Variants in SMARCAL1 observed in about 807,000 individuals in gnomAD.
SMARCAL1 encodes the protein SNF2 related chromatin remodeling annealing helicase 1.
In SMARCAL1, 58 loss-of-function variants were observed where a neutral mutation model predicts 94.5. The ratio of observed to expected loss-of-function variants is 0.61; its 90% CI spans 0.50 to 0.76. The LOEUF is 0.76. Among genes scored for constraint, SMARCAL1 ranks in the 30% least tolerant of loss-of-function variants. The probability of loss-of-function intolerance (pLI) is 0.00; values close to 1 mark genes in which losing one functional copy is unlikely to be tolerated. For synonymous variants in SMARCAL1, 422 were observed against 455.1 expected, an observed-to-expected ratio of 0.93 and a Z score of 0.93; for missense variants, 1,051 against 1,177.9, an observed-to-expected ratio of 0.89 and a Z score of 1.58.
rs369436043 is a variant in SMARCAL1, at chr2:216,467,167, G to A, written c.2142-777G>A. The stretch of plus-strand genomic sequence containing the variant: ...GAGGGTAGCCACCTTAAGGCCAAGC[G>A]AAAGATAAGAGGTGGGAAGCTTGCC... On this transcript the variant is annotated intron_variant, in intron 13 of 17. Transcript: ENST00000357276. Among the ~76,000 whole-genome samples the A allele has an allele frequency of 5.9e-5, 9 of 152,170 alleles. No homozygotes were observed. In the South Asian group the frequency reaches 8.3e-4, roughly 14 times the overall value.
chr2:216,450,370 C>T (rs1694421803), intron 11 of SMARCAL1, among the ~76,000 whole-genome samples: 1 of 152,202 alleles, frequency 6.6e-6, no homozygotes, highest in South Asian at 2.1e-4. Context: ...CTGGTGTAAT[C>T]CATACTGCAG....
intron 11 of SMARCAL1, among the ~76,000 whole-genome samples, chr2:216,448,446 G>C (rs113360608): frequency 6.6e-6 from 1 of 152,094 alleles, no homozygotes; most frequent in African/African-American, 2.4e-5. Flanking sequence ...TCCCCAAACT[G>C]TCCCTTCCTA....
chr2:216,476,976 T>G lies in SMARCAL1; in HGVS notation c.2428-133T>G. 4 of 736,820 alleles carry G rather than the reference T, an allele frequency of 5.4e-6. No homozygotes were observed. In the South Asian group the frequency reaches 6.0e-5, roughly 11 times the overall value. 45.6% of individuals were successfully genotyped at this position (736,820 alleles called of 1,614,324 possible). On this transcript the variant is annotated intron_variant, in intron 15 of 17. Transcript: ENST00000357276. ...GTAAAGTGCAGGTTATTTCTAGGTC[T>G]GAGACAGTGAAGTGCTTTGAGGAGG...
At chr2:216,471,510 T>A (rs1694965962) in intron 14 of SMARCAL1, among the ~76,000 whole-genome samples, 1 of 152,172 alleles carries the variant, frequency 6.6e-6, no homozygotes, top group African/African-American at 2.4e-5. Flanking sequence ...CCTGCTACCA[T>A]GCCCAGCTAA....
intron 13 of SMARCAL1, among the ~76,000 whole-genome samples, chr2:216,466,103 T>C (rs1299371173): frequency 6.6e-6 from 1 of 152,184 alleles, no homozygotes; most frequent in African/African-American, 2.4e-5. Flanking sequence ...GAATAACAGA[T>C]GGCAAGGGTG....
At chr2:216,469,249 A>T (rs1446521304) in intron 14 of SMARCAL1, among the ~76,000 whole-genome samples, 4 of 140,294 alleles carry the variant, frequency 2.9e-5, no homozygotes, top group Non-Finnish European at 4.7e-5. Flanking sequence ...CCTGCAACTT[A>T]CTTTTTTCTC....
intron 10 of SMARCAL1, among the ~76,000 whole-genome samples, chr2:216,445,412 G>T (rs1694288396): frequency 6.6e-6 from 1 of 152,102 alleles, no homozygotes; most frequent in Non-Finnish European, 1.5e-5. Flanking sequence ...TCACTCTCTA[G>T]TCTAGGGAGT....
chr2:216,481,176 G>A (rs944121131), intron 17 of SMARCAL1, among the ~76,000 whole-genome samples: 1 of 151,424 alleles, frequency 6.6e-6, no homozygotes, highest in African/African-American at 2.4e-5. Flanking sequence ...GAGATCATTT[G>A]ATTTTTTATA....
At chr2:216,450,361 T>C (rs964695985) in intron 11 of SMARCAL1, among the ~76,000 whole-genome samples, 1 of 152,246 alleles carries the variant, frequency 6.6e-6, no homozygotes, top group Non-Finnish European at 1.5e-5. Flanking sequence ...TTGTTTGTGC[T>C]GGTGTAATCC....
intron 10 of SMARCAL1, among the ~76,000 whole-genome samples, chr2:216,445,455 C>T (rs1213373918): frequency 1.3e-5 from 2 of 152,150 alleles, no homozygotes; most frequent in East Asian, 3.9e-4. Context: ...CTAACTACAT[C>T]CTATAAGTAT....
At chr2:216,442,372 G>A (rs1292652423) in intron 10 of SMARCAL1, among the ~76,000 whole-genome samples, 1 of 143,574 alleles carries the variant, frequency 7.0e-6, no homozygotes, top group Non-Finnish European at 1.5e-5. Context: ...AGCGGAGATC[G>A]CACCACTGCA....
intron 5 of SMARCAL1, among the ~76,000 whole-genome samples, chr2:216,422,109 G>C (rs1368952855): frequency 3.3e-5 from 5 of 152,136 alleles, no homozygotes; most frequent in African/African-American, 1.2e-4. Context: ...CTACGGGCCG[G>C]GTGTTGTGGC....
intron 8 of SMARCAL1, among the ~76,000 whole-genome samples, 193 bp from the exon 9 acceptor site, chr2:216,435,145 A>T (rs1694052971): frequency 6.6e-6 from 1 of 152,028 alleles, no homozygotes; most frequent in African/African-American, 2.4e-5. Context: ...GGTGTGAGCG[A>T]CCGCACCCGT....
intron 9 of SMARCAL1, among the ~76,000 whole-genome samples, chr2:216,437,322 G>C (rs1036023481): frequency 6.6e-6 from 1 of 152,168 alleles, no homozygotes; most frequent in Admixed American, 6.5e-5. Flanking sequence ...TTTCTGGACA[G>C]GATACTTTCT....
intron 8 of SMARCAL1, among the ~76,000 whole-genome samples, chr2:216,434,555 G>A (rs1694035202): frequency 1.3e-5 from 2 of 152,112 alleles, no homozygotes; most frequent in South Asian, 4.1e-4. Context: ...CAGGGAGATA[G>A]CGAGGCATGG....
intron 8 of SMARCAL1, among the ~76,000 whole-genome samples, chr2:216,434,574 G>C (rs1320876959): frequency 6.6e-6 from 1 of 152,066 alleles, no homozygotes; most frequent in Non-Finnish European, 1.5e-5. Context: ...GGTGGTTCAG[G>C]CCTGTAGTCT....
In SMARCAL1 at chr2:216,475,527, G is replaced by A; in HGVS notation, c.2427+76G>A. On this transcript the variant is annotated intron_variant, in intron 15 of 17. Transcript: ENST00000357276. The surrounding 1 kb of genome is among the most constrained non-coding windows in gnomAD (Gnocchi z 4.4). Reference sequence around the variant, plus strand: ...GGCAGGAAGCAGTGAGTGTCGGTCGGGGAAAGTGTGGTTTCCCTTTTATCC... The same window carrying A: ...GGCAGGAAGCAGTGAGTGTCGGTCGAGGAAAGTGTGGTTTCCCTTTTATCC... 2.7e-6 allele frequency: 4 copies of A among 1,469,670 alleles called. No homozygotes were observed. Among genetic ancestry groups the A allele is most frequent in the South Asian group, 2.3e-5 (2 of 87,884 alleles). 91.0% of individuals were successfully genotyped at this position (1,469,670 alleles called of 1,614,324 possible).
At chr2:216,425,056 A>G (rs1297010876) in intron 6 of SMARCAL1, among the ~76,000 whole-genome samples, 1 of 152,166 alleles carries the variant, frequency 6.6e-6, no homozygotes, top group Non-Finnish European at 1.5e-5. Context: ...GTAGCTGTAC[A>G]CAGAATCCTT....
chr2:216,414,537 A>T, intron 2 of SMARCAL1, 110 bp from the exon 3 acceptor site: 1 of 660,748 alleles, frequency 1.5e-6, no homozygotes, highest in Non-Finnish European at 2.7e-6. Flanking sequence ...TACATCCTTT[A>T]GTTGTGCTCA....
Sources: allele counts gnomAD v4.1 joint callset (sites outside exome capture counted in the v4.1 genomes callset), GRCh38; gene constraint gnomAD v4.1.1; non-coding constraint Gnocchi (gnomAD v3.1); transcripts MANE v1.5; gene names NCBI Gene and HGNC (gene_info 2026-07-23, HGNC 2026-07-21).